The following LRMDA variants were observed in gnomAD, a reference collection of about 807,000 sequenced individuals.
The protein encoded by LRMDA is leucine rich melanocyte differentiation associated.
LRMDA carries 18 observed loss-of-function variants against 29.8 expected under a neutral mutation model. The observed-to-expected ratio is 0.60, with a 90% CI of 0.42 to 0.90. The LOEUF is 0.90. Ranked by LOEUF, LRMDA falls within the 40% of genes least tolerant of loss-of-function variation. LRMDA has a pLI of 0.00. For synonymous variants in LRMDA, 125 were observed against 109.4 expected, an observed-to-expected ratio of 1.14 and a Z score of -0.89; for missense variants, 273 against 273.9, an observed-to-expected ratio of 1.00 and a Z score of 0.02.
Position 76,496,287 on chromosome 10 carries a change from T to G in LRMDA, c.602-60922T>G, listed in dbSNP as rs1197462643. Among the ~76,000 whole-genome samples, 31 of 75,806 alleles carry G rather than the reference T, an allele frequency of 4.1e-4. 13 individuals carry two copies. Among genetic ancestry groups the G allele is most frequent in the Non-Finnish European group, 2.2e-4 (5 of 22,754 alleles). 49.7% of individuals were successfully genotyped at this position (75,806 alleles called of 152,430 possible). On this transcript the variant is annotated intron_variant, in intron 6 of 6. Coordinates refer to ENST00000611255, the MANE Select transcript of LRMDA (RefSeq NM_001305581.2). Reference sequence around the variant, plus strand: ...CTCCCACATATCCCCTGACTAGTATTCAGCTGAAGACTTGCAGGTAACTCT... The same window carrying G: ...CTCCCACATATCCCCTGACTAGTATGCAGCTGAAGACTTGCAGGTAACTCT...
intron 6 of LRMDA, among the ~76,000 whole-genome samples, chr10:76,342,937 G>A (rs1319456234): frequency 6.7e-6 from 1 of 150,264 alleles, no homozygotes; most frequent in Non-Finnish European, 1.5e-5. Flanking sequence ...GATACTTATA[G>A]TATTCTGCTA....
chr10:76,458,742 C>A (rs572917068), intron 6 of LRMDA, among the ~76,000 whole-genome samples: 6 of 152,264 alleles, frequency 3.9e-5, no homozygotes, highest in African/African-American at 1.4e-4. Flanking sequence ...ACAGAAATCT[C>A]CTCTATGTGA....
chr10:76,048,789 T>A (rs2132043114), intron 4 of LRMDA, among the ~76,000 whole-genome samples: 1 of 152,352 alleles, frequency 6.6e-6, no homozygotes, highest in South Asian at 2.1e-4. Context: ...TCCTATCTTG[T>A]GTATTTTTTC....
At chr10:76,459,768 G>GT (rs1331518435) in intron 6 of LRMDA, among the ~76,000 whole-genome samples, 1 of 151,896 alleles carries the variant, frequency 6.6e-6, no homozygotes, top group African/African-American at 2.4e-5. Context: ...TTGGGCTTTT[G>GT]TTTTTTTAAT....
At chr10:75,946,791 C>A (rs760635616) in intron 2 of LRMDA, among the ~76,000 whole-genome samples, 1 of 152,188 alleles carries the variant, frequency 6.6e-6, no homozygotes, top group Admixed American at 6.5e-5. Flanking sequence ...GCTACAGACT[C>A]CTCTCGTGTT....
intron 6 of LRMDA, among the ~76,000 whole-genome samples, chr10:76,414,762 C>T (rs2132512676): frequency 6.6e-6 from 1 of 152,312 alleles, no homozygotes; most frequent in South Asian, 2.1e-4. Context: ...TCATGGGCCC[C>T]TTAAAATCTT....
chr10:76,022,862 G>C (rs371825908), intron 2 of LRMDA, among the ~76,000 whole-genome samples: 5 of 152,128 alleles, frequency 3.3e-5, no homozygotes. Flanking sequence ...TTTAATTTCC[G>C]TATCTCAAGC....
chr10:76,423,341 C>G (rs111594879), intron 6 of LRMDA, among the ~76,000 whole-genome samples: 1 of 152,228 alleles, frequency 6.6e-6, no homozygotes, highest in African/African-American at 2.4e-5. Context: ...CTGCAGTGAG[C>G]CATGATTGTG....
chr10:75,902,329 G>A (rs1845688898), intron 2 of LRMDA, among the ~76,000 whole-genome samples: 2 of 152,258 alleles, frequency 1.3e-5, no homozygotes, highest in Admixed American at 1.3e-4. Flanking sequence ...CTACTAACTG[G>A]GGAGTAGGCT....
intron 2 of LRMDA, among the ~76,000 whole-genome samples, chr10:75,557,997 C>T (rs145563386): frequency 4.6e-5 from 7 of 152,066 alleles, no homozygotes; most frequent in East Asian, 1.9e-4. Context: ...ATGTAGCCAG[C>T]GAAATGTTTC....
intron 2 of LRMDA, among the ~76,000 whole-genome samples, chr10:75,803,719 T>G (rs1029709906): frequency 3.3e-5 from 5 of 152,236 alleles, no homozygotes; most frequent in Non-Finnish European, 4.4e-5. Flanking sequence ...CTATTAATAC[T>G]TGCATTGATT....
At chr10:76,440,137 A>T (rs1361404455) in intron 6 of LRMDA, among the ~76,000 whole-genome samples, 1 of 152,204 alleles carries the variant, frequency 6.6e-6, no homozygotes, top group African/African-American at 2.4e-5. Context: ...ATAATCTGTA[A>T]GTCAGTGATA....
rs796189481 is a variant in LRMDA at position 75,823,757 on chromosome 10, T to TACAC, written c.132-212239_132-212236dup. ...ACAGACACATATATACCTACTTACA[T>TACAC]ACACACACACACACATACACACACA... On this transcript the variant is annotated intron_variant, in intron 2 of 6. Transcript: ENST00000611255. Among the ~76,000 whole-genome samples, 8 of 147,432 alleles carry TACAC rather than the reference T, an allele frequency of 5.4e-5. No homozygotes were observed. In the South Asian group the frequency reaches 8.7e-4, roughly 16 times the overall value.
intron 2 of LRMDA, among the ~76,000 whole-genome samples, chr10:75,757,530 G>A (rs1564559984): frequency 6.6e-6 from 1 of 152,076 alleles, no homozygotes; most frequent in South Asian, 2.1e-4. Context: ...TGGTCCCCCC[G>A]TGTTTACATC....
intron 6 of LRMDA, among the ~76,000 whole-genome samples, chr10:76,356,500 A>G (rs1454798745): frequency 6.6e-6 from 1 of 152,204 alleles, no homozygotes; most frequent in Non-Finnish European, 1.5e-5. Context: ...GAATTTTGAG[A>G]AAACCGTATT....
At chr10:76,537,737 G>A (rs1843306548) in intron 6 of LRMDA, among the ~76,000 whole-genome samples, 1 of 152,126 alleles carries the variant, frequency 6.6e-6, no homozygotes, top group South Asian at 2.1e-4. Flanking sequence ...CATCTGCAAA[G>A]CCTCTCTTGC....
At chr10:76,191,030 G>A (rs892399370) in intron 5 of LRMDA, among the ~76,000 whole-genome samples, 5 of 152,064 alleles carry the variant, frequency 3.3e-5, no homozygotes, top group South Asian at 2.1e-4. Flanking sequence ...AGAGATTTAC[G>A]GCTTAGGTTG....
chr10:76,330,859 A>T (rs1411543878), intron 6 of LRMDA, among the ~76,000 whole-genome samples: 1 of 152,264 alleles, frequency 6.6e-6, no homozygotes, highest in Non-Finnish European at 1.5e-5. Flanking sequence ...CATTATAAAC[A>T]AAATCTACAG....
chr10:76,356,352 A>G (rs780924607), intron 6 of LRMDA, among the ~76,000 whole-genome samples: 7 of 152,220 alleles, frequency 4.6e-5, no homozygotes, highest in Non-Finnish European at 8.8e-5. Flanking sequence ...AAGCAATACC[A>G]GAAGAGAACT....
Sources: gnomAD v4.1 joint callset for allele counts (sites outside exome capture counted in the v4.1 genomes callset) on GRCh38, gnomAD v4.1.1 for gene constraint, MANE v1.5 for transcripts, NCBI Gene and HGNC (gene_info 2026-07-23, HGNC 2026-07-21) for gene names.